KDM3B: variants seen among roughly 807,000 people sequenced by gnomAD.
The protein encoded by KDM3B is lysine-specific demethylase 3B.
In KDM3B, 10 loss-of-function variants were observed where a neutral mutation model predicts 170.0. That is an observed-to-expected ratio of 0.06 (90% CI 0.04 to 0.10). The LOEUF (loss-of-function observed/expected upper bound fraction) is 0.10, where lower values mean the gene tolerates loss of function less well. Among genes scored for constraint, KDM3B ranks in the 10% least tolerant of loss-of-function variants. The pLI, the probability that KDM3B is intolerant of heterozygous loss-of-function variation, is 1.00. For synonymous variants in KDM3B, 831 were observed against 834.8 expected, an observed-to-expected ratio of 1.00 and a Z score of 0.08; for missense variants, 1,394 against 2,195.2, an observed-to-expected ratio of 0.64 and a Z score of 7.29.
chr5:138,414,579 G>A (rs1763055684), intron 11 of KDM3B, among the ~76,000 whole-genome samples: 1 of 152,198 alleles, frequency 6.6e-6, no homozygotes. Context: ...AAGGTTCTAT[G>A]TCATGATTGT....
In KDM3B at chr5:138,377,845, T is replaced by G. The variant is rs180843656; in HGVS notation, c.580+20T>G. On this transcript the variant is annotated intron_variant, in intron 4 of 23. Coordinates refer to ENST00000314358, the MANE Select transcript of KDM3B (RefSeq NM_016604.4). ...GCCGAGGTAAGAACGGATAGTCTTC[T>G]GTCCCTGAACTCTGATTCAGGTGAA... is the stretch of plus-strand genomic sequence containing the variant. 1,537 of 1,552,796 alleles carry G rather than the reference T, an allele frequency of 9.9e-4. 6 individuals carry two copies. Among genetic ancestry groups the G allele is most frequent in the Non-Finnish European group, 6.3e-4 (703 of 1,124,508 alleles).
At chr5:138,382,352 C>T (rs965750871) in intron 6 of KDM3B, among the ~76,000 whole-genome samples, 1 of 151,772 alleles carries the variant, frequency 6.6e-6, no homozygotes, top group Admixed American at 6.6e-5. Flanking sequence ...CTCGGGAGGC[C>T]GAGGTGGGAG....
intron 11 of KDM3B, among the ~76,000 whole-genome samples, chr5:138,404,012 A>G (rs373277981): frequency 4.3e-4 from 66 of 152,148 alleles, no homozygotes; most frequent in African/African-American, 1.5e-3. Flanking sequence ...AGCAGATTAG[A>G]TAATGTAGAA....
chr5:138,418,911 C>T, intron 13 of KDM3B, 42 bp from the exon 14 acceptor site: 2 of 1,589,130 alleles, frequency 1.3e-6, no homozygotes, highest in Non-Finnish European at 8.6e-7. Flanking sequence ...TTTTTTCTAC[C>T]CAAGCACAGC....
chr5:138,435,395 G>A (rs139334180), intron 23 of KDM3B, among the ~76,000 whole-genome samples: 17 of 152,328 alleles, frequency 1.1e-4, no homozygotes, highest in African/African-American at 4.1e-4. Flanking sequence ...GACATAGTAA[G>A]CACATAAATG....
intron 9 of KDM3B, among the ~76,000 whole-genome samples, chr5:138,395,537 A>T (rs977235788): frequency 6.6e-6 from 1 of 152,196 alleles, no homozygotes; most frequent in Admixed American, 6.5e-5. Flanking sequence ...CTAAGGTTGA[A>T]GGATCACTTG....
At chr5:138,399,728 T>C (rs987679691) in intron 10 of KDM3B, 132 bp from the exon 11 acceptor site, 6 of 711,906 alleles carry the variant, frequency 8.4e-6, no homozygotes, top group East Asian at 2.7e-5. Flanking sequence ...CCTACAATTA[T>C]AGAAACACAG....
chr5:138,406,651 G>A (rs12521688), intron 11 of KDM3B, among the ~76,000 whole-genome samples: 1 of 152,040 alleles, frequency 6.6e-6, no homozygotes. Context: ...TAAAAAAAAA[G>A]AAAAGTTAAA....
intron 10 of KDM3B, 56 bp downstream of exon 10, chr5:138,398,448 C>T (rs887211223): frequency 6.7e-7 from 1 of 1,494,508 alleles, no homozygotes; most frequent in Non-Finnish European, 9.3e-7. Flanking sequence ...CTTTTATTTT[C>T]TTTCACTTAA....
rs989512822 is a variant in KDM3B, at chr5:138,352,882, C to G, written c.87C>G (p.Pro29=). The part of the protein sequence containing the change: ...DTAASASASA[P]AAAAASGDPG... Reference sequence around the variant, plus strand: ...CGGCCTCAGCCTCGGCCTCGGCTCCCGCGGCGGCAGCGGCGAGCGGAGATC... The same window carrying G: ...CGGCCTCAGCCTCGGCCTCGGCTCCGGCGGCGGCAGCGGCGAGCGGAGATC... The change falls in exon 1 of 24, where the codon CCC becomes CCG. Residue 29 remains proline, a synonymous_variant. Coordinates refer to ENST00000314358, the MANE Select transcript of KDM3B (RefSeq NM_016604.4). The G allele has an allele frequency of 2.9e-6, 4 of 1,377,206 alleles. No individual in the cohort carries two copies. The highest frequency in any genetic ancestry group is 3.8e-6 in the Non-Finnish European group (4 of 1,062,448). The allele number at this position is 1,377,206 out of a possible 1,614,324, so 85.3% of individuals were successfully genotyped here. A position where few individuals can be genotyped will look rare whatever the true frequency, so the allele number is the denominator to read the frequency against.
chr5:138,379,739 CATCCATCCCCTTAA>C, intron 5 of KDM3B, 31 bp downstream of exon 5: 1 of 1,591,150 alleles, frequency 6.3e-7, no homozygotes, highest in Non-Finnish European at 8.6e-7. Context: ...GTCTAAGGTC[CATCCATCCCCTTAA>C]AGAGGATGGT....
Position 138,399,957 on chromosome 5 carries a change from T to C in KDM3B, c.3144T>C (p.Cys1048=), listed in dbSNP as rs1020391536. 12 of 1,614,030 alleles carry C rather than the reference T, an allele frequency of 7.4e-6. No homozygotes were observed. Among genetic ancestry groups the C allele is most frequent in the Non-Finnish European group, 1.0e-5 (12 of 1,180,034 alleles). The change falls in exon 11 of 24, where the codon TGT becomes TGC. Residue 1048 remains cysteine (C), a synonymous_variant. Coordinates refer to ENST00000314358, the MANE Select transcript of KDM3B (RefSeq NM_016604.4). ...ACATCCACTGGGTTTGTCGCAAATGTGGATTTGGGGTCTGCCTTGACTGTT... is the reference window on the plus strand; with the variant it reads ...ACATCCACTGGGTTTGTCGCAAATGCGGATTTGGGGTCTGCCTTGACTGTT... ...LFNIHWVCRK[C]GFGVCLDCYR...
chr5:138,407,886 T>TA (rs1762863494), intron 11 of KDM3B, among the ~76,000 whole-genome samples: 1 of 152,208 alleles, frequency 6.6e-6, no homozygotes, highest in Non-Finnish European at 1.5e-5. Context: ...CGGGGAATGA[T>TA]ACAGGTGTTA....
At position 138,377,833 on chromosome 5, in the gene KDM3B, C is replaced by A. The variant is rs759055511; in HGVS notation, c.580+8C>A. 1.9e-6 allele frequency: 3 copies of A among 1,590,782 alleles called. No homozygotes were observed. The highest frequency in any genetic ancestry group is 2.6e-6 in the Non-Finnish European group (3 of 1,159,138). On this transcript the variant is annotated splice_region_variant and intron_variant, in intron 4 of 23. Coordinates refer to ENST00000314358, the MANE Select transcript of KDM3B (RefSeq NM_016604.4). ...AAGAGATATTCAGCCGAGGTAAGAA[C>A]GGATAGTCTTCTGTCCCTGAACTCT... is the stretch of plus-strand genomic sequence containing the variant.
intron 1 of KDM3B, among the ~76,000 whole-genome samples, chr5:138,363,122 C>G (rs1057466859): frequency 6.6e-6 from 1 of 152,008 alleles, no homozygotes; most frequent in African/African-American, 2.4e-5. Context: ...GGAAAGTCTT[C>G]CATCCTCCAC....
intron 10 of KDM3B, among the ~76,000 whole-genome samples, chr5:138,399,611 A>G (rs1279491420): frequency 6.6e-6 from 1 of 152,088 alleles, no homozygotes; most frequent in African/African-American, 2.4e-5. Flanking sequence ...TTTTGACAAT[A>G]GGTTATATCC....
chr5:138,420,590 G>C lies in KDM3B; in HGVS notation c.3716-116G>C, dbSNP rs1763247720. Reference sequence around the variant, plus strand: ...AAACAAACCATACACAGTTTGGGGGGTGCAAGGGAAAGGAGAGAATCTTTC... The same window carrying C: ...AAACAAACCATACACAGTTTGGGGGCTGCAAGGGAAAGGAGAGAATCTTTC... On this transcript the variant is annotated intron_variant, in intron 14 of 23. Transcript: ENST00000314358. The C allele has an allele frequency of 2.6e-6, 3 of 1,134,980 alleles. No individual in the cohort carries two copies. The African/African-American group carries it at 4.6e-5, about 17-fold the overall frequency. 70.3% of individuals were successfully genotyped at this position (1,134,980 alleles called of 1,614,324 possible). A position where few individuals can be genotyped will look rare whatever the true frequency, so the allele number is the denominator to read the frequency against.
intron 6 of KDM3B, among the ~76,000 whole-genome samples, chr5:138,382,438 C>T (rs1762149777): frequency 6.6e-6 from 1 of 151,910 alleles, no homozygotes; most frequent in Admixed American, 6.6e-5. Flanking sequence ...GGTGATAGAG[C>T]AAGACTCCGT....
At chr5:138,427,419 C>T in intron 19 of KDM3B, 100 bp downstream of exon 19, 1 of 1,334,096 alleles carries the variant, frequency 7.5e-7, no homozygotes. Context: ...GAGATGATTG[C>T]AGGCAAGTGC....
Sources: allele counts gnomAD v4.1 joint callset (sites outside exome capture counted in the v4.1 genomes callset), GRCh38; gene constraint gnomAD v4.1.1; transcripts MANE v1.5; gene names NCBI Gene and HGNC (gene_info 2026-07-23, HGNC 2026-07-21).